PRKN: variants seen among roughly 807,000 people sequenced by gnomAD.
PRKN encodes the protein E3 ubiquitin-protein ligase parkin.
Under a neutral mutation model 59.5 loss-of-function variants are expected in PRKN, and 56 were observed. The ratio of observed to expected loss-of-function variants is 0.94; its 90% CI spans 0.76 to 1.18. PRKN has a LOEUF of 1.18. Among genes scored for constraint, PRKN ranks in the 50% most tolerant of loss-of-function variants. The pLI, the probability that PRKN is intolerant of heterozygous loss-of-function variation, is 0.00. For missense variants in PRKN, 657 were observed against 596.4 expected (o/e 1.10, Z -1.06); for synonymous variants, 250 against 222.1 (o/e 1.13, Z -1.12).
At position 161,361,073 on chromosome 6, in the gene PRKN, G is replaced by A. The variant is rs1209001341; in HGVS notation, c.1168-868C>T. ...ATCATGTATAAGGAGGTTTTCTGGT[G>A]GGGGTGGAAGCAAGAGGTCCTGGGC... On this transcript the variant is annotated intron_variant, in intron 10 of 11. Coordinates refer to ENST00000366898, the MANE Select transcript of PRKN (RefSeq NM_004562.3). The surrounding 1 kb of genome is among the most constrained non-coding windows in gnomAD (Gnocchi z 5.2). Among the ~76,000 whole-genome samples, 2 of 151,922 alleles carry A rather than the reference G, an allele frequency of 1.3e-5. No individual in the cohort carries two copies. Among genetic ancestry groups the A allele is most frequent in the Admixed American group, 6.6e-5 (1 of 15,240 alleles).
intron 9 of PRKN, among the ~76,000 whole-genome samples, chr6:161,516,486 AAAAAAAAG>A (rs1778597099): frequency 1.6e-5 from 2 of 121,762 alleles, no homozygotes; most frequent in Admixed American, 7.9e-5. Context: ...AAAAAAAAAA[AAAAAAAAG>A]AAGAAGAAGA....
rs116068797 is a variant in PRKN, at chr6:161,768,277, C to T, written c.871+17495G>A. On this transcript the variant is annotated intron_variant, in intron 7 of 11. Transcript: ENST00000366898. Reference sequence around the variant, plus strand: ...TAGATTAAAACTGAAAATATTAGTGCATCACATATAGTAGGAAAGTATTAT... The same window carrying T: ...TAGATTAAAACTGAAAATATTAGTGTATCACATATAGTAGGAAAGTATTAT... Among the ~76,000 whole-genome samples the T allele has an allele frequency of 9.3e-3, 1,414 of 152,264 alleles. 28 individuals are homozygous for T. Among genetic ancestry groups the T allele is most frequent in the South Asian group, 0.037 (180 of 4,818 alleles).
At chr6:161,606,294 G>A (rs1782280520) in intron 7 of PRKN, among the ~76,000 whole-genome samples, 1 of 152,172 alleles carries the variant, frequency 6.6e-6, no homozygotes, top group African/African-American at 2.4e-5. Flanking sequence ...AAGGGAGGCT[G>A]GGAGACACAT....
At chr6:162,333,155 A>C (rs1308046182) in intron 2 of PRKN, among the ~76,000 whole-genome samples, 1 of 152,130 alleles carries the variant, frequency 6.6e-6, no homozygotes, top group Non-Finnish European at 1.5e-5. Context: ...TTGATGTGAA[A>C]AGGGACAAGT....
chr6:161,849,658 AC>A (rs1793344480), intron 6 of PRKN, among the ~76,000 whole-genome samples: 2 of 152,204 alleles, frequency 1.3e-5, no homozygotes, highest in South Asian at 4.1e-4. Flanking sequence ...CATGATCACA[AC>A]CCAAATAAAA....
intron 2 of PRKN, among the ~76,000 whole-genome samples, chr6:162,302,606 C>T (rs1030401419): frequency 2.0e-5 from 3 of 152,144 alleles, no homozygotes; most frequent in Non-Finnish European, 4.4e-5. Flanking sequence ...GCCACAGCTA[C>T]CTGAGCTTGG....
rs117377750 is a variant in PRKN, at chr6:162,125,365, T to G, written c.535-71191A>C. ...CGCTGCTTTTGATCTTTTATTTTCC[T>G]TTGAGTTCTTCACTGGCGCAGAACT... On this transcript the variant is annotated intron_variant, in intron 4 of 11. Coordinates refer to ENST00000366898, the MANE Select transcript of PRKN (RefSeq NM_004562.3). Among the ~76,000 whole-genome samples, 1,052 of 152,298 alleles carry G rather than the reference T, an allele frequency of 6.9e-3. 6 individuals are homozygous for G. Among genetic ancestry groups the G allele is most frequent in the Non-Finnish European group, 0.011 (782 of 68,022 alleles).
intron 6 of PRKN, among the ~76,000 whole-genome samples, chr6:161,921,849 C>T (rs1330849815): frequency 6.6e-6 from 1 of 152,178 alleles, no homozygotes; most frequent in African/African-American, 2.4e-5. Context: ...TTAGTGGGAA[C>T]ACAAGTAGCA....
intron 5 of PRKN, among the ~76,000 whole-genome samples, chr6:162,019,223 C>T (rs1434344873): frequency 6.6e-6 from 1 of 152,100 alleles, no homozygotes; most frequent in African/African-American, 2.4e-5. Flanking sequence ...CATTAAGTGC[C>T]AAGTCTCTCC....
At chr6:162,414,041 G>C (rs1034633883) in intron 2 of PRKN, among the ~76,000 whole-genome samples, 8 of 152,122 alleles carry the variant, frequency 5.3e-5, no homozygotes, top group African/African-American at 1.9e-4. Flanking sequence ...AAATCAGCCA[G>C]GTGTAGTGGC....
chr6:161,927,105 A>G (rs1043115621), intron 6 of PRKN, among the ~76,000 whole-genome samples: 3 of 152,210 alleles, frequency 2.0e-5, no homozygotes, highest in Admixed American at 1.3e-4. Context: ...AAATGAAAAA[A>G]AAATACACAT....
intron 4 of PRKN, among the ~76,000 whole-genome samples, chr6:162,174,327 A>C (rs1216549077): frequency 2.0e-5 from 3 of 152,112 alleles, no homozygotes; most frequent in African/African-American, 7.2e-5. Flanking sequence ...AATAAATAAA[A>C]TTTGCCCACA....
chr6:161,545,493 G>T lies in PRKN; in HGVS notation c.1083+3361C>A, dbSNP rs913224678. On this transcript the variant is annotated intron_variant, in intron 9 of 11. Coordinates refer to ENST00000366898, the MANE Select transcript of PRKN (RefSeq NM_004562.3). This position sits in a 1 kb window ranked among gnomAD's most constrained non-coding sequence, Gnocchi z 4.1. The stretch of plus-strand genomic sequence containing the variant: ...CCTTCTTCTAACTTTTATGTATTTG[G>T]CCATGTTCTACTTCTGAAATGACAT... 14 of 1,271,208 alleles carry T rather than the reference G, an allele frequency of 1.1e-5. No individual in the cohort carries two copies. The highest frequency in any genetic ancestry group is 1.6e-5 in the Non-Finnish European group (14 of 871,896). 78.7% of individuals were successfully genotyped at this position (1,271,208 alleles called of 1,614,324 possible). A position where few individuals can be genotyped will look rare whatever the true frequency, so the allele number is the denominator to read the frequency against.
At chr6:162,274,188 T>A (rs5006728) in intron 2 of PRKN, among the ~76,000 whole-genome samples, 10,815 of 144,834 alleles carry the variant, frequency 0.075, 1,045 homozygotes, top group East Asian at 0.49. Context: ...TTAATGTATT[T>A]ATTTATTTAT....
At chr6:161,676,457 T>C (rs1238407716) in intron 7 of PRKN, among the ~76,000 whole-genome samples, 1 of 152,136 alleles carries the variant, frequency 6.6e-6, no homozygotes, top group African/African-American at 2.4e-5. Flanking sequence ...TTTCAAATGG[T>C]TGGGAAAAAA....
intron 3 of PRKN, among the ~76,000 whole-genome samples, chr6:162,261,055 A>G (rs1479244046): frequency 1.3e-5 from 2 of 152,134 alleles, no homozygotes; most frequent in East Asian, 3.9e-4. Context: ...AGGTGCCTAA[A>G]ATTCAGGCTT....
chr6:161,707,349 T>G (rs1398905594), intron 7 of PRKN, among the ~76,000 whole-genome samples: 1 of 152,202 alleles, frequency 6.6e-6, no homozygotes, highest in East Asian at 1.9e-4. Flanking sequence ...AATTGTGCGT[T>G]GAGGAAACGC....
At position 161,874,792 on chromosome 6, in the gene PRKN, TA is replaced by T. The variant is rs1251788456; in HGVS notation, c.735-88885del. 2.3e-3 allele frequency among the ~76,000 whole-genome samples: 247 copies of T among 108,924 alleles called. 2 individuals are homozygous for T. Among genetic ancestry groups the T allele is most frequent in the Non-Finnish European group, 3.6e-3 (220 of 60,980 alleles). The allele number at this position is 108,924 out of a possible 152,430, so 71.5% of individuals were successfully genotyped here. A position where few individuals can be genotyped will look rare whatever the true frequency, so the allele number is the denominator to read the frequency against. Reference sequence around the variant, plus strand: ...TATAATATATAAAATGTATAATAAATAAAATGTATAAGATATATAAAATGTA... The same window carrying T: ...TATAATATATAAAATGTATAATAAATAAATGTATAAGATATATAAAATGTA... On this transcript the variant is annotated intron_variant, in intron 6 of 11. Coordinates refer to ENST00000366898, the MANE Select transcript of PRKN (RefSeq NM_004562.3).
chr6:161,472,670 G>A (rs775774860), intron 9 of PRKN, among the ~76,000 whole-genome samples: 5 of 152,240 alleles, frequency 3.3e-5, no homozygotes, highest in Non-Finnish European at 2.9e-5. Context: ...AAACTAAAAA[G>A]CTTCTGCACA....
Sources: allele counts gnomAD v4.1 joint callset (sites outside exome capture counted in the v4.1 genomes callset), GRCh38; gene constraint gnomAD v4.1.1; non-coding constraint Gnocchi (gnomAD v3.1); transcripts MANE v1.5; gene names NCBI Gene and HGNC (gene_info 2026-07-23, HGNC 2026-07-21).